The following QKI variants were observed in gnomAD, a reference collection of about 807,000 sequenced individuals.
QKI encodes KH domain-containing RNA-binding protein QKI.
QKI carries 10 observed loss-of-function variants against 39.0 expected under a neutral mutation model. That is an observed-to-expected ratio of 0.26 (90% confidence interval 0.16 to 0.43). The LOEUF (loss-of-function observed/expected upper bound fraction) is 0.43, where lower values mean the gene tolerates loss of function less well. Ranked by LOEUF, QKI falls within the 20% of genes least tolerant of loss-of-function variation. QKI has a pLI of 1.00. For synonymous variants in QKI, 204 were observed against 155.4 expected (o/e 1.31, Z -2.33); for missense variants, 218 against 428.0 (o/e 0.51, Z 4.33).
At chr6:163,565,078 G>A in intron 6 of QKI, 1 of 1,048,440 alleles carries the variant, frequency 9.5e-7, no homozygotes, top group Admixed American at 4.9e-5. Context: ...ACATTTCATT[G>A]TACATGTTTT....
At chr6:163,464,421 G>C (rs1791576017) in intron 2 of QKI, among the ~76,000 whole-genome samples, 1 of 151,836 alleles carries the variant, frequency 6.6e-6, no homozygotes, top group Non-Finnish European at 1.5e-5. Flanking sequence ...ACAAAACAGA[G>C]TTGGTTTTTG....
intron 6 of QKI, chr6:163,565,122 C>T: frequency 6.9e-6 from 7 of 1,009,042 alleles, no homozygotes; most frequent in Non-Finnish European, 8.3e-6. Flanking sequence ...AATTGCAGGT[C>T]AGAATTATAC....
At chr6:163,511,166 TC>T (rs1779448261) in intron 3 of QKI, among the ~76,000 whole-genome samples, 2 of 152,040 alleles carry the variant, frequency 1.3e-5, no homozygotes, top group Non-Finnish European at 2.9e-5. Context: ...CAAAGGGAAA[TC>T]AGAAAATATT....
intron 3 of QKI, among the ~76,000 whole-genome samples, chr6:163,484,167 C>T (rs1345602147): frequency 1.3e-5 from 2 of 151,462 alleles, no homozygotes; most frequent in African/African-American, 4.9e-5. Context: ...CTTTGTTGTT[C>T]CAATTGTAGA....
At chr6:163,465,417 G>A (rs538578988) in intron 2 of QKI, among the ~76,000 whole-genome samples, 45 of 152,094 alleles carry the variant, frequency 3.0e-4, no homozygotes, top group African/African-American at 1.1e-3. Flanking sequence ...ATCACTTGAG[G>A]TCAAGAGTTG....
Position 163,540,473 on chromosome 6 carries a change from A to G in QKI, c.546+5348A>G, listed in dbSNP as rs984833842. 4.6e-5 allele frequency among the ~76,000 whole-genome samples: 7 copies of G among 152,110 alleles called. No individual in the cohort carries two copies. The East Asian group carries it at 5.8e-4, about 13-fold the overall frequency. On this transcript the variant is annotated intron_variant, in intron 4 of 7. Transcript: ENST00000361752. ...ACTAAATGTTTAGTAAATCAGTTCA[A>G]ATCTTTTCAATTCGTATTTGGGTTT...
At chr6:163,483,369 T>A (rs1488260529) in intron 3 of QKI, among the ~76,000 whole-genome samples, 1 of 152,174 alleles carries the variant, frequency 6.6e-6, no homozygotes, top group Non-Finnish European at 1.5e-5. Context: ...AACAACGAAG[T>A]TTGCCTCATG....
chr6:163,543,222 A>C (rs540958621), intron 4 of QKI, among the ~76,000 whole-genome samples: 1 of 152,184 alleles, frequency 6.6e-6, no homozygotes, highest in Non-Finnish European at 1.5e-5. Context: ...TCCTTGATCA[A>C]ATATTGATCA....
chr6:163,489,577 C>T (rs1420218078), intron 3 of QKI, among the ~76,000 whole-genome samples: 1 of 150,604 alleles, frequency 6.6e-6, no homozygotes, highest in Non-Finnish European at 1.5e-5. Flanking sequence ...GTTAGACTTA[C>T]TTGAAATGGT....
At chr6:163,527,385 C>T (rs930463795) in intron 3 of QKI, among the ~76,000 whole-genome samples, 6 of 152,082 alleles carry the variant, frequency 3.9e-5, no homozygotes, top group East Asian at 1.9e-4. Flanking sequence ...ATTCACAATA[C>T]GCCTGTTATT....
intron 3 of QKI, among the ~76,000 whole-genome samples, chr6:163,487,887 T>C (rs777359873): frequency 3.3e-5 from 5 of 152,210 alleles, no homozygotes; most frequent in Non-Finnish European, 7.3e-5. Flanking sequence ...GTCCTTTTTT[T>C]CAGTGGGAGT....
intron 3 of QKI, among the ~76,000 whole-genome samples, chr6:163,511,072 G>GT (rs1779440841): frequency 6.6e-6 from 1 of 152,146 alleles, no homozygotes; most frequent in Non-Finnish European, 1.5e-5. Flanking sequence ...ATTATATAGA[G>GT]TATGAATTTT....
At chr6:163,422,639 A>AT (rs1215768690) in intron 1 of QKI, among the ~76,000 whole-genome samples, 2 of 152,230 alleles carry the variant, frequency 1.3e-5, no homozygotes, top group Non-Finnish European at 1.5e-5. Flanking sequence ...GCTCCACATA[A>AT]TGGTCACAAT....
At chr6:163,482,950 G>A (rs1793193788) in intron 3 of QKI, among the ~76,000 whole-genome samples, 1 of 152,060 alleles carries the variant, frequency 6.6e-6, no homozygotes, top group South Asian at 2.1e-4. Context: ...ACTTGGTTAG[G>A]GTTTCTCTGG....
chr6:163,565,570 T>TAA (rs2128251379), intron 6 of QKI: 3 of 990,212 alleles, frequency 3.0e-6, no homozygotes, highest in Non-Finnish European at 3.6e-6. Flanking sequence ...TATAGAAACT[T>TAA]AATTATTAGA....
chr6:163,499,015 T>C (rs1218409086), intron 3 of QKI, among the ~76,000 whole-genome samples: 1 of 152,166 alleles, frequency 6.6e-6, no homozygotes, highest in Non-Finnish European at 1.5e-5. Context: ...ATTTTAAATT[T>C]TGTGCACGAA....
At chr6:163,416,346 G>C (rs1326683674) in intron 1 of QKI, 1 of 160,400 alleles carries the variant, frequency 6.2e-6, no homozygotes, top group African/African-American at 2.4e-5. Flanking sequence ...TAGTAGCTGT[G>C]GGTTTCTGTG....
At chr6:163,437,777 T>G (rs1015485601) in intron 1 of QKI, among the ~76,000 whole-genome samples, 6 of 152,208 alleles carry the variant, frequency 3.9e-5, no homozygotes, top group Admixed American at 6.5e-5. Context: ...TCCAAACTTG[T>G]GTCAATATGT....
intron 2 of QKI, among the ~76,000 whole-genome samples, chr6:163,469,486 G>C (rs1285871630): frequency 6.6e-6 from 1 of 152,148 alleles, no homozygotes; most frequent in African/African-American, 2.4e-5. Flanking sequence ...AGCTGGCAAG[G>C]TTACTTAAAG....
Sources: allele counts gnomAD v4.1 joint callset (sites outside exome capture counted in the v4.1 genomes callset), GRCh38; gene constraint gnomAD v4.1.1; transcripts MANE v1.5; gene names NCBI Gene and HGNC (gene_info 2026-07-23, HGNC 2026-07-21).